The following KSR2 variants were observed in gnomAD, a reference collection of about 807,000 sequenced individuals.
KSR2 encodes kinase suppressor of ras 2.
Under a neutral mutation model 107.8 loss-of-function variants are expected in KSR2, and 25 were observed. That is an observed-to-expected ratio of 0.23 (90% confidence interval 0.17 to 0.32). The LOEUF is 0.32. Among genes scored for constraint, KSR2 ranks in the 10% least tolerant of loss-of-function variants. The pLI is 1.00. For missense variants in KSR2, 887 were observed against 1,268.9 expected, an observed-to-expected ratio of 0.70 and a Z score of 4.57; for synonymous variants, 480 against 507.0, an observed-to-expected ratio of 0.95 and a Z score of 0.71.
intron 1 of KSR2, among the ~76,000 whole-genome samples, chr12:117,860,831 G>A (rs2137246500): frequency 6.6e-6 from 1 of 152,204 alleles, no homozygotes; most frequent in Non-Finnish European, 1.5e-5. Flanking sequence ...CAATTCTCCG[G>A]CCTCAGCCTC....
chr12:117,829,398 T>G (rs1351815051), intron 3 of KSR2, among the ~76,000 whole-genome samples: 1 of 152,208 alleles, frequency 6.6e-6, no homozygotes, highest in Non-Finnish European at 1.5e-5. Context: ...TTACCCTCTG[T>G]GCCACCACTG....
rs539697468 is a variant in KSR2, at chr12:117,924,343, G to A, written c.180+43733C>T. Among the ~76,000 whole-genome samples the A allele has an allele frequency of 4.7e-5, 7 of 150,150 alleles. No homozygotes were observed. The South Asian group carries it at 8.5e-4, about 18-fold the overall frequency. ...AGCACTTTGGGAGGCTGAGGCGGGC[G>A]GATCATGAGGTCGGGAGTTTGAGAC... is the stretch of plus-strand genomic sequence containing the variant. On this transcript the variant is annotated intron_variant, in intron 1 of 19. Transcript: ENST00000339824.
chr12:117,792,032 C>T (rs1048519425), intron 3 of KSR2, among the ~76,000 whole-genome samples: 2 of 152,080 alleles, frequency 1.3e-5, no homozygotes, highest in Admixed American at 1.3e-4. Context: ...GCAAAGGGAG[C>T]AATGATAAAG....
intron 5 of KSR2, among the ~76,000 whole-genome samples, chr12:117,656,975 T>A (rs1298496116): frequency 1.2e-4 from 11 of 89,990 alleles, no homozygotes; most frequent in South Asian, 8.2e-4. Context: ...TATATATATA[T>A]AATAGGATAT....
intron 3 of KSR2, among the ~76,000 whole-genome samples, chr12:117,823,451 T>C (rs1891635176): frequency 6.6e-6 from 1 of 151,642 alleles, no homozygotes. Context: ...ATTTGAGGAG[T>C]GAGGGTCGGG....
intron 3 of KSR2, among the ~76,000 whole-genome samples, chr12:117,775,666 A>T (rs1356532963): frequency 6.6e-6 from 1 of 152,220 alleles, no homozygotes; most frequent in African/African-American, 2.4e-5. Context: ...AGGAATCATC[A>T]GCCCCATGTT....
intron 3 of KSR2, among the ~76,000 whole-genome samples, chr12:117,794,238 CTCACACCAACATGCACACAT>C (rs1890483874): frequency 1.2e-5 from 1 of 85,244 alleles, no homozygotes; most frequent in African/African-American, 6.0e-5. Context: ...AACATGCACA[CTCACACCAACATGCACACAT>C]ACACCAACAT....
intron 4 of KSR2, among the ~76,000 whole-genome samples, chr12:117,670,273 T>C (rs1040385382): frequency 6.6e-6 from 1 of 152,252 alleles, no homozygotes; most frequent in Non-Finnish European, 1.5e-5. Flanking sequence ...CTGCTTTGAT[T>C]TGAGTGCCAA....
chr12:117,947,353 T>A (rs998581417), intron 1 of KSR2, among the ~76,000 whole-genome samples: 17 of 152,066 alleles, frequency 1.1e-4, no homozygotes, highest in African/African-American at 3.1e-4. Context: ...GAGCCAGGAA[T>A]AGAAAGAAAC....
intron 5 of KSR2, among the ~76,000 whole-genome samples, chr12:117,638,163 T>TTTTGA (rs10629686): frequency 0.69 from 105,145 of 151,474 alleles, 37,516 homozygotes; most frequent in South Asian, 0.89. Flanking sequence ...TTTAAAATCT[T>TTTTGA]TTTATTTAGA....
intron 4 of KSR2, among the ~76,000 whole-genome samples, chr12:117,691,780 G>GAAATA (rs1163707729): frequency 6.6e-6 from 1 of 152,222 alleles, no homozygotes; most frequent in Admixed American, 6.5e-5. Flanking sequence ...CCTAGAGCAG[G>GAAATA]AAATAAAATC....
At chr12:117,485,467 T>C in intron 15 of KSR2, 128 bp downstream of exon 15, 2 of 660,492 alleles carry the variant, frequency 3.0e-6, no homozygotes, top group Non-Finnish European at 2.6e-6. Flanking sequence ...AAGTCTAATT[T>C]CTTTTAAGTC....
chr12:117,583,136 G>T (rs977666663), intron 5 of KSR2, among the ~76,000 whole-genome samples: 3 of 152,010 alleles, frequency 2.0e-5, no homozygotes, highest in Non-Finnish European at 4.4e-5. Context: ...GGATGGATAG[G>T]ATGGATGGAT....
intron 4 of KSR2, among the ~76,000 whole-genome samples, chr12:117,690,958 A>G (rs1054429841): frequency 1.3e-5 from 2 of 152,198 alleles, no homozygotes; most frequent in Non-Finnish European, 2.9e-5. Flanking sequence ...TCCCACCTCC[A>G]AGGAAACCAC....
At chr12:117,958,861 T>C (rs1163371362) in intron 1 of KSR2, among the ~76,000 whole-genome samples, 1 of 152,118 alleles carries the variant, frequency 6.6e-6, no homozygotes, top group African/African-American at 2.4e-5. Context: ...TGTCATACTA[T>C]GTAGCCATTA....
chr12:117,484,784 G>A (rs1872367024), intron 15 of KSR2, among the ~76,000 whole-genome samples: 1 of 152,160 alleles, frequency 6.6e-6, no homozygotes, highest in Admixed American at 6.5e-5. Context: ...TTAGACCACA[G>A]AAAGGCCAGC....
At chr12:117,563,077 G>T (rs1039840054) in intron 7 of KSR2, among the ~76,000 whole-genome samples, 2 of 151,332 alleles carry the variant, frequency 1.3e-5, no homozygotes. Context: ...TGTTCTTCCA[G>T]CTGGAAATGT....
chr12:117,892,010 A>G (rs892054737), intron 1 of KSR2, among the ~76,000 whole-genome samples: 3 of 84,026 alleles, frequency 3.6e-5, no homozygotes, highest in Non-Finnish European at 6.4e-5. Flanking sequence ...AAGAAAAACC[A>G]CATAACGGCC....
intron 4 of KSR2, among the ~76,000 whole-genome samples, chr12:117,755,331 C>T (rs1375498287): frequency 6.6e-6 from 1 of 152,230 alleles, no homozygotes; most frequent in Non-Finnish European, 1.5e-5. Flanking sequence ...ATTGAGCAAG[C>T]CTCTCGCTGC....
Sources: gnomAD v4.1 joint callset for allele counts (sites outside exome capture counted in the v4.1 genomes callset) on GRCh38, gnomAD v4.1.1 for gene constraint, MANE v1.5 for transcripts, NCBI Gene and HGNC (gene_info 2026-07-23, HGNC 2026-07-21) for gene names.